The following GRIK4 variants were observed in gnomAD, a reference collection of about 807,000 sequenced individuals.
The protein encoded by GRIK4 is glutamate receptor ionotropic, kainate 4.
In GRIK4, 40 loss-of-function variants were observed where a neutral mutation model predicts 104.9. The observed-to-expected ratio is 0.38, with a 90% CI of 0.30 to 0.50. The LOEUF (loss-of-function observed/expected upper bound fraction) is 0.50. Among genes scored for constraint, GRIK4 ranks in the 20% least tolerant of loss-of-function variants. The pLI is 0.93. For missense variants in GRIK4, 1,047 were observed against 1,308.1 expected (o/e 0.80, Z 3.08); for synonymous variants, 485 against 524.9 (o/e 0.92, Z 1.04).
Position 120,555,467 on chromosome 11 carries a change from G to T in GRIK4, c.-159+43580G>T, listed in dbSNP as rs193288406. 6.6e-6 allele frequency among the ~76,000 whole-genome samples: 1 copy of T among 152,156 alleles called. No homozygotes were observed. The highest frequency in any genetic ancestry group is 1.5e-5 in the Non-Finnish European group (1 of 68,028). On this transcript the variant is annotated intron_variant, in intron 1 of 20. Coordinates refer to ENST00000527524, the MANE Select transcript of GRIK4 (RefSeq NM_014619.5). The surrounding 1 kb of genome is among the most constrained non-coding windows in gnomAD (Gnocchi z 5.3). ...TTTCTACCGGGCTGCTTATGTACTC[G>T]CCGAGCCAGCATTCACACACTTTCT...
chr11:120,869,959 G>C (rs574969978), intron 9 of GRIK4: 1 of 152,436 alleles, frequency 6.6e-6, no homozygotes, highest in East Asian at 1.9e-4. Flanking sequence ...CATCTCTGCT[G>C]TGTCCCCACT....
chr11:120,519,695 T>C (rs1208104146), intron 1 of GRIK4, among the ~76,000 whole-genome samples: 1 of 152,144 alleles, frequency 6.6e-6, no homozygotes, highest in Non-Finnish European at 1.5e-5. Flanking sequence ...CAAAGTCCCA[T>C]AGCTGGTAAG....
chr11:120,656,671 G>T (rs980572230), intron 2 of GRIK4, among the ~76,000 whole-genome samples: 1 of 152,200 alleles, frequency 6.6e-6, no homozygotes, highest in Non-Finnish European at 1.5e-5. Flanking sequence ...GACCAGCCTG[G>T]TCATCATGGT....
At chr11:120,695,285 A>G (rs1950425235) in intron 3 of GRIK4, among the ~76,000 whole-genome samples, 1 of 152,164 alleles carries the variant, frequency 6.6e-6, no homozygotes, top group South Asian at 2.1e-4. Context: ...ATGGAGCCCA[A>G]GCTCTCTTCC....
At chr11:120,533,518 C>T (rs1292245607) in intron 1 of GRIK4, among the ~76,000 whole-genome samples, 1 of 152,206 alleles carries the variant, frequency 6.6e-6, no homozygotes, top group Non-Finnish European at 1.5e-5. Context: ...AAGGATGTTA[C>T]ACCAGGGTTG....
intron 1 of GRIK4, among the ~76,000 whole-genome samples, chr11:120,542,819 G>A (rs1326850779): frequency 1.3e-5 from 2 of 152,244 alleles, no homozygotes; most frequent in Non-Finnish European, 1.5e-5. Context: ...GTGAGGATGT[G>A]GAGAAAAGAA....
At chr11:120,964,559 A>G (rs1281010677) in intron 18 of GRIK4, among the ~76,000 whole-genome samples, 1 of 152,196 alleles carries the variant, frequency 6.6e-6, no homozygotes, top group Non-Finnish European at 1.5e-5. Context: ...TGCAAAATGA[A>G]CTTAAGGCAC....
chr11:120,699,590 T>TA (rs1950518115), intron 3 of GRIK4, among the ~76,000 whole-genome samples: 1 of 150,412 alleles, frequency 6.6e-6, no homozygotes, highest in Non-Finnish European at 1.5e-5. Flanking sequence ...TGTACCCATA[T>TA]AGTCTGTGAC....
At chr11:120,915,973 C>T (rs887254824) in intron 13 of GRIK4, among the ~76,000 whole-genome samples, 2 of 152,190 alleles carry the variant, frequency 1.3e-5, no homozygotes, top group Non-Finnish European at 2.9e-5. Context: ...ACCAAAGGGG[C>T]ATGTGAGAAC....
Position 120,517,475 on chromosome 11 carries a change from A to AGG in GRIK4, c.-159+5589_-159+5590dup, listed in dbSNP as rs760971799. On this transcript the variant is annotated intron_variant, in intron 1 of 20. Transcript: ENST00000527524. ...AGGGAGGCCATGGGCAGGCCCCCTG[A>AGG]GGCAAACGGTGCCCCCGCCTGTGCA... is the stretch of plus-strand genomic sequence containing the variant. Among the ~76,000 whole-genome samples the AGG allele has an allele frequency of 1.3e-4, 20 of 148,322 alleles. 1 individual carries two copies. Among genetic ancestry groups the AGG allele is most frequent in the Non-Finnish European group, 2.8e-4 (19 of 67,334 alleles).
At chr11:120,595,891 G>T (rs1166173448) in intron 1 of GRIK4, among the ~76,000 whole-genome samples, 21 of 152,188 alleles carry the variant, frequency 1.4e-4, no homozygotes, top group Admixed American at 1.4e-3. Flanking sequence ...CTGTTGCCTG[G>T]GCTGGAGTGC....
chr11:120,598,350 AGGTAGCAG>A (rs1473672228), intron 1 of GRIK4, among the ~76,000 whole-genome samples: 2 of 152,198 alleles, frequency 1.3e-5, no homozygotes, highest in Non-Finnish European at 2.9e-5. Context: ...TCTGGATAGC[AGGTAGCAG>A]AACGGTGGTT....
intron 1 of GRIK4, among the ~76,000 whole-genome samples, chr11:120,581,199 C>A (rs1232290802): frequency 1.3e-5 from 2 of 152,168 alleles, no homozygotes; most frequent in African/African-American, 2.4e-5. Context: ...TTCTCCCAGT[C>A]TATGGCTTGT....
At chr11:120,623,127 G>A (rs1363725878) in intron 1 of GRIK4, among the ~76,000 whole-genome samples, 1 of 152,072 alleles carries the variant, frequency 6.6e-6, no homozygotes, top group Non-Finnish European at 1.5e-5. Flanking sequence ...CTTGGAGCCA[G>A]CCCCTGTACT....
At chr11:120,924,565 C>A (rs1401048486) in intron 13 of GRIK4, among the ~76,000 whole-genome samples, 1 of 60,530 alleles carries the variant, frequency 1.7e-5, no homozygotes, top group Non-Finnish European at 3.3e-5. Context: ...ATCCTGAAGA[C>A]CCCCTTGTCC....
chr11:120,759,303 T>G (rs915500042), intron 3 of GRIK4, among the ~76,000 whole-genome samples: 6 of 152,294 alleles, frequency 3.9e-5, no homozygotes, highest in Admixed American at 2.0e-4. Flanking sequence ...ATGAATTGGC[T>G]TCCACAGTAG....
intron 8 of GRIK4, among the ~76,000 whole-genome samples, chr11:120,854,576 C>T (rs574007950): frequency 2.3e-4 from 35 of 152,284 alleles, no homozygotes; most frequent in Non-Finnish European, 2.6e-4. Flanking sequence ...ACCTTTGTGG[C>T]GTGATCTGGT....
At chr11:120,567,755 G>A (rs1948348931) in intron 1 of GRIK4, among the ~76,000 whole-genome samples, 1 of 152,206 alleles carries the variant, frequency 6.6e-6, no homozygotes, top group African/African-American at 2.4e-5. Context: ...GGTAGTGAGT[G>A]GGTATGGGAT....
chr11:120,577,293 G>A lies in GRIK4; in HGVS notation c.-159+65406G>A, dbSNP rs144406699. Among the ~76,000 whole-genome samples, 8 of 152,150 alleles carry A rather than the reference G, an allele frequency of 5.3e-5. No individual in the cohort carries two copies. The East Asian group carries it at 5.8e-4, about 11-fold the overall frequency. ...GCATGGGGTGGAGGAGAGCCAGGTG[G>A]GTTTCTGAGGGGGTGAGTGGACTGT... is the stretch of plus-strand genomic sequence containing the variant. On this transcript the variant is annotated intron_variant, in intron 1 of 20. Transcript: ENST00000527524.
Sources: gnomAD v4.1 joint callset for allele counts (sites outside exome capture counted in the v4.1 genomes callset) on GRCh38, gnomAD v4.1.1 for gene constraint, Gnocchi (gnomAD v3.1) non-coding constraint, MANE v1.5 for transcripts, NCBI Gene and HGNC (gene_info 2026-07-23, HGNC 2026-07-21) for gene names.